VIRMA: variants seen among roughly 807,000 people sequenced by gnomAD.
The protein encoded by VIRMA is protein virilizer homolog.
VIRMA carries 65 observed loss-of-function variants against 182.4 expected under a neutral mutation model. That is an observed-to-expected ratio of 0.36 (90% CI 0.29 to 0.44). The LOEUF (loss-of-function observed/expected upper bound fraction) is 0.44. Ranked by LOEUF, VIRMA falls within the 20% of genes least tolerant of loss-of-function variation. The pLI is 1.00. For missense variants in VIRMA, 1,752 were observed against 2,158.1 expected, an observed-to-expected ratio of 0.81 and a Z score of 3.73; for synonymous variants, 709 against 743.1, an observed-to-expected ratio of 0.95 and a Z score of 0.75.
chr8:94,543,553 T>C (rs1035200877), intron 2 of VIRMA, among the ~76,000 whole-genome samples: 1 of 151,800 alleles, frequency 6.6e-6, no homozygotes, highest in Non-Finnish European at 1.5e-5. Flanking sequence ...CAGGATATTT[T>C]AGAAAACGTA....
At chr8:94,540,579 A>T (rs1193898662) in intron 2 of VIRMA, among the ~76,000 whole-genome samples, 1 of 149,444 alleles carries the variant, frequency 6.7e-6, no homozygotes, top group African/African-American at 2.5e-5. Context: ...ATCCTACCTC[A>T]GCAACCCAAG....
At chr8:94,515,563 G>C (rs938113318) in intron 10 of VIRMA, among the ~76,000 whole-genome samples, 2 of 151,328 alleles carry the variant, frequency 1.3e-5, no homozygotes, top group African/African-American at 4.9e-5. Context: ...GTAGAGATGG[G>C]GTTTCACCAT....
intron 14 of VIRMA, 31 bp downstream of exon 14, chr8:94,510,385 AG>A (rs1164791821): frequency 2.6e-6 from 4 of 1,558,030 alleles, no homozygotes; most frequent in Non-Finnish European, 1.8e-6. Context: ...AAATAATTTG[AG>A]GAAAAAATTT....
intron 4 of VIRMA, among the ~76,000 whole-genome samples, chr8:94,536,823 C>T (rs1282920945): frequency 1.3e-5 from 2 of 152,038 alleles, no homozygotes; most frequent in South Asian, 4.1e-4. Flanking sequence ...ACTAAAAATA[C>T]AAAAAATTAG....
At chr8:94,531,843 A>C (rs1488913115) in intron 5 of VIRMA, among the ~76,000 whole-genome samples, 1 of 152,206 alleles carries the variant, frequency 6.6e-6, no homozygotes, top group Non-Finnish European at 1.5e-5. Flanking sequence ...ATTTTGTAAC[A>C]CCACTCAGCA....
At chr8:94,526,105 T>A (rs1421557739) in intron 8 of VIRMA, 118 bp downstream of exon 8, 2 of 725,272 alleles carry the variant, frequency 2.8e-6, no homozygotes, top group African/African-American at 1.8e-5. Flanking sequence ...TTTTGAAATA[T>A]CAAGTATCCT....
intron 10 of VIRMA, 136 bp from the exon 11 acceptor site, chr8:94,515,087 T>C (rs1375832709): frequency 4.3e-6 from 2 of 467,738 alleles, no homozygotes; most frequent in Admixed American, 3.7e-5. Context: ...GGGATGGACA[T>C]GCATCTAATT....
intron 13 of VIRMA, 70 bp downstream of exon 13, chr8:94,511,115 C>CA (rs1563463821): frequency 2.6e-6 from 4 of 1,540,196 alleles, no homozygotes; most frequent in Non-Finnish European, 3.5e-6. Flanking sequence ...TGTTTTTTAA[C>CA]AAAATCACTG....
At chr8:94,523,645 T>G (rs1006272284) in intron 8 of VIRMA, among the ~76,000 whole-genome samples, 2 of 152,056 alleles carry the variant, frequency 1.3e-5, no homozygotes, top group African/African-American at 2.4e-5. Flanking sequence ...ATTTCTTTTT[T>G]GAGACGGAGT....
intron 18 of VIRMA, 197 bp downstream of exon 18, chr8:94,496,131 C>T (rs534052901): frequency 2.1e-5 from 13 of 612,112 alleles, no homozygotes; most frequent in East Asian, 1.1e-4. Context: ...CAAAAAGTAC[C>T]GTCTTCATGT....
intron 21 of VIRMA, among the ~76,000 whole-genome samples, chr8:94,492,205 C>T (rs1015684289): frequency 1.3e-4 from 19 of 151,656 alleles, no homozygotes; most frequent in Non-Finnish European, 2.6e-4. Context: ...CAAATTATTA[C>T]GTTTAAATTT....
At position 94,531,090 on chromosome 8, in the gene VIRMA, T is replaced by C; in HGVS notation, c.485-5A>G. 1 of 1,540,654 alleles carries C rather than the reference T, an allele frequency of 6.5e-7. No homozygotes were observed. Among genetic ancestry groups the C allele is most frequent in the Non-Finnish European group, 8.7e-7 (1 of 1,149,682 alleles). On this transcript the variant is annotated splice_region_variant and splice_polypyrimidine_tract_variant and intron_variant, in intron 5 of 23. Transcript: ENST00000297591. Reference sequence around the variant, plus strand: ...GATCTTCTTTCTCCCCATCAGCTAGTGTTTTATGGGAGACAGAAAAAGAAC... The same window carrying C: ...GATCTTCTTTCTCCCCATCAGCTAGCGTTTTATGGGAGACAGAAAAAGAAC...
rs772307765 is a variant in VIRMA, at chr8:94,537,097, A to G, written c.315+6T>C. ...TGACAAGCTGAAAACTGACTTCCAG[A>G]ATTACCTTTGAGTTAGGTCTAAAGA... On this transcript the variant is annotated splice_donor_region_variant and intron_variant, in intron 4 of 23. Transcript: ENST00000297591. 6.3e-7 allele frequency: 1 copy of G among 1,589,092 alleles called. No homozygotes were observed. Among genetic ancestry groups the G allele is most frequent in the Non-Finnish European group, 8.6e-7 (1 of 1,157,340 alleles).
At chr8:94,539,122 G>A (rs1313084238) in intron 2 of VIRMA, among the ~76,000 whole-genome samples, 1 of 150,920 alleles carries the variant, frequency 6.6e-6, no homozygotes, top group Non-Finnish European at 1.5e-5. Context: ...GCCCAGGCTG[G>A]TCTCGAGCTC....
chr8:94,491,484 G>C (rs1464759927), intron 22 of VIRMA, 94 bp downstream of exon 22: 7 of 1,201,944 alleles, frequency 5.8e-6, no homozygotes, highest in Middle Eastern at 2.1e-4. Context: ...CAGGAAAACT[G>C]TTTATCTGAA....
At position 94,492,781 on chromosome 8, in the gene VIRMA, C is replaced by T; in HGVS notation, c.4679G>A (p.Cys1560Tyr). Residue 1560 changes from cysteine (C) to tyrosine (Y), a missense_variant, in exon 21 of 24, where the codon TGT becomes TAT. Coordinates refer to ENST00000297591, the MANE Select transcript of VIRMA (RefSeq NM_015496.5). The part of the protein sequence containing the change: ...VDLIELSEKC[C>Y]SDFDLHSELE... ...TTCTGAGTGCAAATCAAAGTCACTA[C>T]AGCATTTTTCAGAGAGTTCAATTAA... The T allele has an allele frequency of 6.2e-7, 1 of 1,613,732 alleles. No homozygotes were observed. The highest frequency in any genetic ancestry group is 8.5e-7 in the Non-Finnish European group (1 of 1,179,804).
At chr8:94,520,746 G>T (rs1211259642) in intron 8 of VIRMA, among the ~76,000 whole-genome samples, 1 of 152,132 alleles carries the variant, frequency 6.6e-6, no homozygotes, top group African/African-American at 2.4e-5. Context: ...ATCCAAGGGA[G>T]GTCTGAGAAC....
At chr8:94,546,748 T>C in intron 1 of VIRMA, 1 of 354,840 alleles carries the variant, frequency 2.8e-6, no homozygotes, top group South Asian at 2.2e-5. Context: ...TAAAGTCCAT[T>C]GTATCATTCT....
intron 16 of VIRMA, among the ~76,000 whole-genome samples, chr8:94,504,805 T>A (rs377086358): frequency 2.0e-5 from 3 of 152,048 alleles, no homozygotes; most frequent in Admixed American, 1.3e-4. Context: ...CAAGTAGAAA[T>A]GTCAAGTAGA....
Sources: allele counts gnomAD v4.1 joint callset (sites outside exome capture counted in the v4.1 genomes callset), GRCh38; gene constraint gnomAD v4.1.1; transcripts MANE v1.5; gene names NCBI Gene and HGNC (gene_info 2026-07-23, HGNC 2026-07-21).